Variants in PPP1R12A observed in about 807,000 individuals in gnomAD.
PPP1R12A encodes the protein protein phosphatase 1 regulatory subunit 12A.
In PPP1R12A, 19 loss-of-function variants were observed where a neutral mutation model predicts 139.6. That is an observed-to-expected ratio of 0.14 (90% CI 0.09 to 0.20). The LOEUF (loss-of-function observed/expected upper bound fraction) is 0.20, where lower values mean the gene tolerates loss of function less well. PPP1R12A is among the 10% of genes least tolerant of loss of function. The pLI is 1.00. For missense variants in PPP1R12A, 925 were observed against 1,211.5 expected (o/e 0.76, Z 3.51); for synonymous variants, 427 against 420.6 (o/e 1.02, Z -0.19).
chr12:79,778,521 C>G, intron 24 of PPP1R12A, 29 bp downstream of exon 24: 1 of 1,419,984 alleles, frequency 7.0e-7, no homozygotes, highest in South Asian at 1.3e-5. Context: ...AAACAGCACT[C>G]TCTCTCATAA....
At chr12:79,796,730 C>A (rs1872553457) in intron 17 of PPP1R12A, 52 bp downstream of exon 17, 10 of 1,419,726 alleles carry the variant, frequency 7.0e-6, no homozygotes, top group Admixed American at 4.2e-5. Flanking sequence ...AAACCCTAAT[C>A]CAAAGGATTA....
chr12:79,877,033 T>C (rs991452034), intron 1 of PPP1R12A, among the ~76,000 whole-genome samples: 5 of 151,860 alleles, frequency 3.3e-5, no homozygotes, highest in Non-Finnish European at 2.9e-5. Context: ...GGTAAAAGCA[T>C]TGAGAGGGAA....
chr12:79,917,483 C>CA (rs59586178), intron 1 of PPP1R12A, among the ~76,000 whole-genome samples: 1,707 of 78,802 alleles, frequency 0.022, 65 homozygotes, highest in African/African-American at 0.07. Flanking sequence ...GACTCTGTCT[C>CA]AAAAAAAAAA....
At chr12:79,885,183 C>T (rs1235447878) in intron 1 of PPP1R12A, among the ~76,000 whole-genome samples, 1 of 152,056 alleles carries the variant, frequency 6.6e-6, no homozygotes, top group African/African-American at 2.4e-5. Context: ...TAATCCAGTT[C>T]TGCCATTTAC....
rs533696221 is a variant in PPP1R12A at position 79,861,175 on chromosome 12, A to G, written c.368+11633T>C. ...TTAGTCTGGAAAATCTTGCAATACC[A>G]AAGAGTAAGGAAACTTTTAAAGACT... is the stretch of plus-strand genomic sequence containing the variant. On this transcript the variant is annotated intron_variant, in intron 2 of 24. Coordinates refer to ENST00000450142, the MANE Select transcript of PPP1R12A (RefSeq NM_002480.3). 5.9e-5 allele frequency among the ~76,000 whole-genome samples: 9 copies of G among 152,322 alleles called. No homozygotes were observed. The South Asian group carries it at 1.9e-3, about 32-fold the overall frequency.
chr12:79,823,659 T>C (rs1465909409), intron 5 of PPP1R12A: 1 of 151,710 alleles, frequency 6.6e-6, no homozygotes, highest in Admixed American at 6.6e-5. Context: ...ACTGGCACGA[T>C]CGTGGCTCAC....
chr12:79,809,674 T>A (rs528640595), intron 10 of PPP1R12A, 121 bp downstream of exon 10: 1 of 697,376 alleles, frequency 1.4e-6, no homozygotes, highest in Admixed American at 2.9e-5. Context: ...TGTAATTCAT[T>A]AAGGTTAATT....
At chr12:79,854,472 C>T (rs945987389) in intron 2 of PPP1R12A, among the ~76,000 whole-genome samples, 1 of 152,026 alleles carries the variant, frequency 6.6e-6, no homozygotes, top group Non-Finnish European at 1.5e-5. Context: ...CCCCTAATTC[C>T]GCTCTTTAGA....
At chr12:79,880,281 A>T (rs1283251648) in intron 1 of PPP1R12A, among the ~76,000 whole-genome samples, 1 of 152,192 alleles carries the variant, frequency 6.6e-6, no homozygotes, top group East Asian at 1.9e-4. Flanking sequence ...ACGGGTCCCT[A>T]CATATTTGAG....
intron 21 of PPP1R12A, 70 bp downstream of exon 21, chr12:79,788,561 CATTATGAGTTTTTAAAA>C (rs1871395298): frequency 4.1e-6 from 5 of 1,231,542 alleles, no homozygotes; most frequent in Admixed American, 2.4e-5. Flanking sequence ...ATACTCATTT[CATTATGAGTTTTTAAAA>C]TAATATTTGA....
At chr12:79,867,516 T>C (rs1450403027) in intron 2 of PPP1R12A, among the ~76,000 whole-genome samples, 1 of 90,412 alleles carries the variant, frequency 1.1e-5, no homozygotes, top group Non-Finnish European at 2.7e-5. Context: ...GAGCTCCTAA[T>C]ATTACTTAAA....
chr12:79,910,739 G>C (rs939732825), intron 1 of PPP1R12A, among the ~76,000 whole-genome samples: 1 of 152,054 alleles, frequency 6.6e-6, no homozygotes, highest in African/African-American at 2.4e-5. Context: ...AATACTAACA[G>C]TTCAAATCAT....
At chr12:79,934,618 A>G in intron 1 of PPP1R12A, 77 bp downstream of exon 1, 3 of 1,294,200 alleles carry the variant, frequency 2.3e-6, no homozygotes, top group East Asian at 5.5e-5. Flanking sequence ...CAAGAGGTGG[A>G]GAACTGAGGG....
At chr12:79,810,045 G>GA (rs1448805856) in intron 9 of PPP1R12A, 35 bp from the exon 10 acceptor site, 1 of 1,498,790 alleles carries the variant, frequency 6.7e-7, no homozygotes, top group Admixed American at 2.0e-5. Context: ...AAAGAAAAAA[G>GA]AATTTGTAAA....
intron 2 of PPP1R12A, among the ~76,000 whole-genome samples, chr12:79,861,305 G>T (rs1485251168): frequency 6.6e-6 from 1 of 152,178 alleles, no homozygotes; most frequent in Non-Finnish European, 1.5e-5. Flanking sequence ...TAGCTGCAGT[G>T]GACTGAAACA....
chr12:79,775,708 G>C lies in PPP1R12A; in HGVS notation c.*221C>G. 1 of 285,998 alleles carries C rather than the reference G, an allele frequency of 3.5e-6. No homozygotes were observed. Among genetic ancestry groups the C allele is most frequent in the Non-Finnish European group, 5.9e-6 (1 of 170,770 alleles). The allele number at this position is 285,998 out of a possible 1,614,324, so 17.7% of individuals were successfully genotyped here. On this transcript the variant is annotated 3_prime_UTR_variant, in exon 25 of 25. Coordinates refer to ENST00000450142, the MANE Select transcript of PPP1R12A (RefSeq NM_002480.3). The stretch of plus-strand genomic sequence containing the variant: ...AGCAGCTGCATTAACATGAAACAAT[G>C]GTCTTGATTAAAAAAAAAAAACAAA...
intron 1 of PPP1R12A, among the ~76,000 whole-genome samples, chr12:79,925,076 A>G (rs1159546621): frequency 6.6e-6 from 1 of 152,210 alleles, no homozygotes; most frequent in Admixed American, 6.5e-5. Flanking sequence ...AAAACTCTCA[A>G]CACTGAGGAT....
intron 9 of PPP1R12A, among the ~76,000 whole-genome samples, chr12:79,812,402 G>GTGTGTGTGTGTT (rs1874700243): frequency 6.6e-6 from 1 of 150,746 alleles, no homozygotes; most frequent in South Asian, 2.1e-4. Flanking sequence ...GTGTGTGTGT[G>GTGTGTGTGTGTT]TGTGTGTGTG....
intron 3 of PPP1R12A, among the ~76,000 whole-genome samples, chr12:79,840,492 C>T (rs1204875363): frequency 6.6e-6 from 1 of 152,086 alleles, no homozygotes; most frequent in Non-Finnish European, 1.5e-5. Context: ...TCCTTTAGTA[C>T]TACAAACCCA....
Sources: gnomAD v4.1 joint callset for allele counts (sites outside exome capture counted in the v4.1 genomes callset) on GRCh38, gnomAD v4.1.1 for gene constraint, MANE v1.5 for transcripts, NCBI Gene and HGNC (gene_info 2026-07-23, HGNC 2026-07-21) for gene names.